The following SGCZ variants were observed in gnomAD, a reference collection of about 807,000 sequenced individuals.
SGCZ encodes the protein zeta-sarcoglycan.
A neutral mutation model predicts 41.3 loss-of-function variants in SGCZ; 40 were observed. The ratio of observed to expected loss-of-function variants is 0.97; its 90% confidence interval spans 0.75 to 1.26. The LOEUF (loss-of-function observed/expected upper bound fraction) is 1.26. Among genes scored for constraint, SGCZ ranks in the 50% most tolerant of loss-of-function variants. The pLI is 0.00. For synonymous variants in SGCZ, 206 were observed against 137.5 expected (o/e 1.50, Z -3.49); for missense variants, 552 against 369.8 (o/e 1.49, Z -4.04).
intron 1 of SGCZ, among the ~76,000 whole-genome samples, chr8:14,880,306 G>A (rs1030551479): frequency 6.6e-6 from 1 of 152,140 alleles, no homozygotes; most frequent in African/African-American, 2.4e-5. Context: ...AGAAACAACA[G>A]GTGCTGGAGA....
At chr8:15,226,174 C>A (rs1313479826) in intron 1 of SGCZ, among the ~76,000 whole-genome samples, 1 of 152,058 alleles carries the variant, frequency 6.6e-6, no homozygotes, top group African/African-American at 2.4e-5. Context: ...TGAAATCCTT[C>A]GGACCTACCT....
chr8:15,041,949 A>G (rs1425973087), intron 1 of SGCZ, among the ~76,000 whole-genome samples: 1 of 152,166 alleles, frequency 6.6e-6, no homozygotes, highest in African/African-American at 2.4e-5. Flanking sequence ...ATTCTACCAT[A>G]CAACACAACG....
At chr8:15,211,894 G>A (rs989375970) in intron 1 of SGCZ, among the ~76,000 whole-genome samples, 1 of 152,012 alleles carries the variant, frequency 6.6e-6, no homozygotes, top group East Asian at 1.9e-4. Context: ...TTTGATTAGG[G>A]TTCACTTTTG....
chr8:14,791,091 T>C (rs867628198), intron 1 of SGCZ, among the ~76,000 whole-genome samples: 1 of 152,012 alleles, frequency 6.6e-6, no homozygotes, highest in Non-Finnish European at 1.5e-5. Flanking sequence ...ATGATCATTA[T>C]TGCTATTATA....
chr8:14,646,143 C>A (rs141943554), intron 1 of SGCZ, among the ~76,000 whole-genome samples: 1 of 151,954 alleles, frequency 6.6e-6, no homozygotes, highest in East Asian at 1.9e-4. Context: ...GTTCAGGGTA[C>A]AACTGCACCC....
intron 1 of SGCZ, among the ~76,000 whole-genome samples, chr8:15,082,789 T>G (rs17609124): frequency 1.3e-5 from 2 of 152,116 alleles, no homozygotes; most frequent in African/African-American, 4.8e-5. Flanking sequence ...GGAGCTATAA[T>G]TGAATAAAGC....
Position 15,011,011 on chromosome 8 carries a change from G to A in SGCZ, c.39+226574C>T, listed in dbSNP as rs947552971. 5.9e-5 allele frequency among the ~76,000 whole-genome samples: 9 copies of A among 152,216 alleles called. No individual in the cohort carries two copies. The East Asian group carries it at 1.5e-3, about 26-fold the overall frequency. On this transcript the variant is annotated intron_variant, in intron 1 of 7. Transcript: ENST00000382080. ...TGCAGGTATGTTATCTATTAATGAA[G>A]CTGAAAATAATTAAACGAAGATTAT... is the stretch of plus-strand genomic sequence containing the variant.
chr8:14,765,952 C>T (rs1282148124), intron 1 of SGCZ, among the ~76,000 whole-genome samples: 1 of 149,956 alleles, frequency 6.7e-6, no homozygotes, highest in Non-Finnish European at 1.5e-5. Context: ...TGGAACAACT[C>T]TTGCATATGA....
At chr8:14,856,990 T>A (rs1369159150) in intron 1 of SGCZ, among the ~76,000 whole-genome samples, 11 of 152,044 alleles carry the variant, frequency 7.2e-5, no homozygotes, top group Non-Finnish European at 2.9e-5. Flanking sequence ...TAACCCCCAG[T>A]GTTGGAGGAG....
At chr8:14,391,290 A>AT (rs938006899) in intron 2 of SGCZ, among the ~76,000 whole-genome samples, 21 of 151,700 alleles carry the variant, frequency 1.4e-4, no homozygotes, top group African/African-American at 3.6e-4. Context: ...TTTAACTTGG[A>AT]TTTTTTTTTC....
At chr8:15,032,201 C>T (rs749987158) in intron 1 of SGCZ, among the ~76,000 whole-genome samples, 4 of 152,060 alleles carry the variant, frequency 2.6e-5, no homozygotes, top group African/African-American at 9.7e-5. Flanking sequence ...GAAACATCAA[C>T]TTATATAACT....
At chr8:14,187,239 G>T (rs1804936073) in intron 4 of SGCZ, among the ~76,000 whole-genome samples, 2 of 152,136 alleles carry the variant, frequency 1.3e-5, no homozygotes, top group Non-Finnish European at 2.9e-5. Context: ...GAAATCCAGA[G>T]TTGGGATTAT....
intron 5 of SGCZ, among the ~76,000 whole-genome samples, chr8:14,146,189 A>T (rs891600844): frequency 1.3e-5 from 2 of 152,200 alleles, no homozygotes; most frequent in East Asian, 3.9e-4. Flanking sequence ...AAAGGATTCT[A>T]AAAGCAGCCA....
chr8:14,792,625 G>T (rs927848096), intron 1 of SGCZ, among the ~76,000 whole-genome samples: 4 of 151,858 alleles, frequency 2.6e-5, no homozygotes, highest in African/African-American at 7.3e-5. Flanking sequence ...GTGCAGGTTT[G>T]TTGCATATGT....
At chr8:14,737,408 T>C (rs531909932) in intron 1 of SGCZ, among the ~76,000 whole-genome samples, 4 of 152,080 alleles carry the variant, frequency 2.6e-5, no homozygotes, top group Non-Finnish European at 5.9e-5. Context: ...AAGTTGTACC[T>C]TTTTTATTGT....
At chr8:15,216,477 C>A (rs1801408074) in intron 1 of SGCZ, among the ~76,000 whole-genome samples, 3 of 151,890 alleles carry the variant, frequency 2.0e-5, no homozygotes, top group African/African-American at 7.3e-5. Flanking sequence ...ACCTGGGGCT[C>A]CCAAAGTGCT....
rs367935348 is a variant in SGCZ, at chr8:14,159,061, G to C, written c.547+5519C>G. On this transcript the variant is annotated intron_variant, in intron 5 of 7. Transcript: ENST00000382080. ...TGGGATTACAGGCATGAGCCACTGC[G>C]CCTGGCCAGTAATGTATTTTTTTAA... Among the ~76,000 whole-genome samples the C allele has an allele frequency of 7.9e-5, 12 of 152,254 alleles. No homozygotes were observed. In the East Asian group the frequency reaches 1.5e-3, roughly 20 times the overall value.
intron 2 of SGCZ, among the ~76,000 whole-genome samples, chr8:14,404,962 T>C (rs929736318): frequency 2.6e-5 from 4 of 152,158 alleles, no homozygotes; most frequent in African/African-American, 9.6e-5. Flanking sequence ...ATCCTCCGGG[T>C]TGCAGATCTG....
intron 1 of SGCZ, among the ~76,000 whole-genome samples, chr8:14,817,673 T>C (rs756350424): frequency 6.6e-6 from 1 of 152,182 alleles, no homozygotes; most frequent in Non-Finnish European, 1.5e-5. Flanking sequence ...TGAACCCACA[T>C]GGCACCACCC....
Sources: gnomAD v4.1 joint callset for allele counts (sites outside exome capture counted in the v4.1 genomes callset) on GRCh38, gnomAD v4.1.1 for gene constraint, MANE v1.5 for transcripts, NCBI Gene and HGNC (gene_info 2026-07-23, HGNC 2026-07-21) for gene names.